The following ST3GAL3 variants were observed in gnomAD, a reference collection of about 807,000 sequenced individuals.
The protein encoded by ST3GAL3 is CMP-N-acetylneuraminate-beta-1,4-galactoside alpha-2,3-sialyltransferase.
In ST3GAL3, 21 loss-of-function variants were observed where a neutral mutation model predicts 50.1. The ratio of observed to expected loss-of-function variants is 0.42; its 90% confidence interval spans 0.30 to 0.60. ST3GAL3 has a LOEUF of 0.60. Ranked by LOEUF, ST3GAL3 falls within the 20% of genes least tolerant of loss-of-function variation. The probability of loss-of-function intolerance (pLI) is 0.19; values close to 1 mark genes in which losing one functional copy is unlikely to be tolerated. For synonymous variants in ST3GAL3, 183 were observed against 190.0 expected (o/e 0.96, Z 0.30); for missense variants, 353 against 489.4 (o/e 0.72, Z 2.63).
intron 1 of ST3GAL3, among the ~76,000 whole-genome samples, chr1:43,723,342 C>T (rs180732295): frequency 6.6e-6 from 1 of 152,250 alleles, no homozygotes; most frequent in East Asian, 1.9e-4. Flanking sequence ...CTCCTGACCT[C>T]AGGTGATCCA....
intron 6 of ST3GAL3, among the ~76,000 whole-genome samples, chr1:43,895,672 G>A (rs1481545907): frequency 6.6e-6 from 1 of 152,192 alleles, no homozygotes; most frequent in Non-Finnish European, 1.5e-5. Flanking sequence ...CTGAAAAGAA[G>A]CCAGTGGCAA....
At chr1:43,782,959 A>G (rs770615960) in intron 2 of ST3GAL3, among the ~76,000 whole-genome samples, 47 of 152,322 alleles carry the variant, frequency 3.1e-4, no homozygotes, top group Admixed American at 3.9e-4. Context: ...TGCTGCCCCA[A>G]ACCTCATAGG....
chr1:43,882,880 C>G (rs1289275640), intron 5 of ST3GAL3, among the ~76,000 whole-genome samples: 2 of 152,230 alleles, frequency 1.3e-5, no homozygotes, highest in East Asian at 3.9e-4. Flanking sequence ...CCCCCAGCGT[C>G]CAAATATGAA....
intron 1 of ST3GAL3, among the ~76,000 whole-genome samples, chr1:43,720,007 T>C (rs1007359979): frequency 2.6e-5 from 4 of 151,158 alleles, no homozygotes; most frequent in Admixed American, 6.6e-5. Flanking sequence ...AGTTTGGGAT[T>C]TGAAGTGGGA....
intron 5 of ST3GAL3, among the ~76,000 whole-genome samples, chr1:43,869,206 A>G (rs937080774): frequency 2.0e-5 from 3 of 152,200 alleles, no homozygotes; most frequent in African/African-American, 7.2e-5. Context: ...CAAGATACTC[A>G]TCAGTAATTG....
intron 4 of ST3GAL3, among the ~76,000 whole-genome samples, chr1:43,829,925 C>T (rs928447132): frequency 1.3e-5 from 2 of 150,960 alleles, no homozygotes; most frequent in African/African-American, 4.9e-5. Context: ...ACATTTCCTC[C>T]AGAGGACCCT....
chr1:43,736,931 T>G (rs1156944845), intron 2 of ST3GAL3: 2 of 231,052 alleles, frequency 8.7e-6, no homozygotes, highest in African/African-American at 4.7e-5. Flanking sequence ...CCTAATTTTT[T>G]TCTTCTCTTT....
intron 2 of ST3GAL3, among the ~76,000 whole-genome samples, chr1:43,790,968 G>C (rs1158256995): frequency 6.6e-6 from 1 of 152,140 alleles, no homozygotes; most frequent in Non-Finnish European, 1.5e-5. Flanking sequence ...ACAAGAGAAA[G>C]TTCTCTCTGA....
At chr1:43,798,411 G>A (rs1573044877) in intron 3 of ST3GAL3, among the ~76,000 whole-genome samples, 1 of 152,192 alleles carries the variant, frequency 6.6e-6, no homozygotes, top group African/African-American at 2.4e-5. Context: ...TCCTTCCTGA[G>A]TCCTACTTAA....
intron 2 of ST3GAL3, among the ~76,000 whole-genome samples, chr1:43,756,475 A>G (rs761373299): frequency 6.6e-6 from 1 of 152,150 alleles, no homozygotes; most frequent in Non-Finnish European, 1.5e-5. Context: ...TTCCTTTATA[A>G]AGTTGATAAG....
intron 9 of ST3GAL3, among the ~76,000 whole-genome samples, chr1:43,904,350 T>A (rs1049085737): frequency 6.6e-6 from 1 of 152,048 alleles, no homozygotes; most frequent in Non-Finnish European, 1.5e-5. Flanking sequence ...CCTGGGAGAC[T>A]CAGTGCAGGC....
chr1:43,712,977 C>T (rs77319266), intron 1 of ST3GAL3, among the ~76,000 whole-genome samples: 106 of 152,296 alleles, frequency 7.0e-4, no homozygotes, highest in African/African-American at 2.4e-3. Context: ...ACTACTTTGT[C>T]AGCTTTGCCT....
chr1:43,814,233 G>A (rs544012162), intron 3 of ST3GAL3, among the ~76,000 whole-genome samples: 1 of 152,226 alleles, frequency 6.6e-6, no homozygotes, highest in Non-Finnish European at 1.5e-5. Flanking sequence ...CTATGTTTAT[G>A]TCCACTTTGG....
chr1:43,836,190 T>C (rs2064306230), intron 4 of ST3GAL3, among the ~76,000 whole-genome samples: 1 of 152,230 alleles, frequency 6.6e-6, no homozygotes, highest in Admixed American at 6.5e-5. Context: ...AAAAAGCTTC[T>C]AGTCAGTTCT....
At chr1:43,808,383 A>T (rs940228014) in intron 3 of ST3GAL3, among the ~76,000 whole-genome samples, 1 of 151,900 alleles carries the variant, frequency 6.6e-6, no homozygotes, top group Admixed American at 6.6e-5. Flanking sequence ...CAATGGAAAG[A>T]TAATTGGGCA....
At chr1:43,830,383 C>G (rs1339360875) in intron 4 of ST3GAL3, among the ~76,000 whole-genome samples, 1 of 152,100 alleles carries the variant, frequency 6.6e-6, no homozygotes, top group African/African-American at 2.4e-5. Context: ...TGTAAAAATT[C>G]TGCATTCTAT....
chr1:43,923,787 T>G (rs2083452736), intron 11 of ST3GAL3, among the ~76,000 whole-genome samples: 1 of 152,052 alleles, frequency 6.6e-6, no homozygotes, highest in Admixed American at 6.6e-5. Flanking sequence ...CTAATTTTTT[T>G]TATTTTTTGT....
intron 3 of ST3GAL3, among the ~76,000 whole-genome samples, chr1:43,793,411 T>C (rs1443032488): frequency 6.6e-6 from 1 of 152,204 alleles, no homozygotes; most frequent in Non-Finnish European, 1.5e-5. Flanking sequence ...TATTTCAAAA[T>C]ACACAATAAA....
intron 2 of ST3GAL3, among the ~76,000 whole-genome samples, chr1:43,786,330 G>A (rs558286416): frequency 2.0e-5 from 3 of 152,132 alleles, no homozygotes; most frequent in Admixed American, 6.5e-5. Context: ...CTGCAGATGC[G>A]GCTCCTGTCT....
Sources: gnomAD v4.1 joint callset for allele counts (sites outside exome capture counted in the v4.1 genomes callset) on GRCh38, gnomAD v4.1.1 for gene constraint, MANE v1.5 for transcripts, NCBI Gene and HGNC (gene_info 2026-07-23, HGNC 2026-07-21) for gene names.